Variants in LIMD1 observed in about 807,000 individuals in gnomAD.
The protein encoded by LIMD1 is LIM domain-containing protein 1.
A neutral mutation model predicts 58.4 loss-of-function variants in LIMD1; 23 were observed. The observed-to-expected ratio is 0.39, with a 90% confidence interval of 0.28 to 0.56. The LOEUF (loss-of-function observed/expected upper bound fraction) is 0.56, where lower values mean the gene tolerates loss of function less well. LIMD1 is among the 20% of genes least tolerant of loss of function. The probability of loss-of-function intolerance (pLI) is 0.57; values close to 1 mark genes in which losing one functional copy is unlikely to be tolerated. For synonymous variants in LIMD1, 334 were observed against 345.5 expected (o/e 0.97, Z 0.37); for missense variants, 838 against 855.5 (o/e 0.98, Z 0.25).
chr3:45,602,691 G>A (rs267232), intron 1 of LIMD1, among the ~76,000 whole-genome samples: 27,381 of 149,454 alleles, frequency 0.18, 2,714 homozygotes, highest in Non-Finnish European at 0.23. Flanking sequence ...AGCAGTCCAA[G>A]CAAGGAACAT....
chr3:45,594,936 C>G lies in LIMD1; in HGVS notation c.57C>G (p.Asn19Lys), dbSNP rs759331135. 5.2e-5 allele frequency: 84 copies of G among 1,613,500 alleles called. No homozygotes were observed. The highest frequency in any genetic ancestry group is 7.0e-5 in the Non-Finnish European group (83 of 1,180,004). Reference protein sequence around the residue: ...LEASKFIEDLNMYEASKDGLF... With the variant: ...LEASKFIEDLKMYEASKDGLF... ...CCAGTAAATTCATCGAGGACCTGAACATGTATGAGGCCTCTAAGGATGGGC... is the reference window on the plus strand; with the variant it reads ...CCAGTAAATTCATCGAGGACCTGAAGATGTATGAGGCCTCTAAGGATGGGC... Residue 19 changes from asparagine to lysine, a missense_variant, in exon 1 of 8, where the codon AAC becomes AAG. Coordinates refer to ENST00000273317, the MANE Select transcript of LIMD1 (RefSeq NM_014240.3).
At chr3:45,599,523 G>A (rs1031814625) in intron 1 of LIMD1, among the ~76,000 whole-genome samples, 3 of 152,236 alleles carry the variant, frequency 2.0e-5, no homozygotes, top group Non-Finnish European at 4.4e-5. Flanking sequence ...TGTTCTGGGT[G>A]TAATAAGCAT....
At chr3:45,655,013 G>A (rs535386065) in intron 2 of LIMD1, among the ~76,000 whole-genome samples, 13 of 150,696 alleles carry the variant, frequency 8.6e-5, no homozygotes, top group African/African-American at 2.9e-4. Flanking sequence ...TCTGCCACCC[G>A]GGTTCAAGTG....
chr3:45,614,031 C>A (rs1032604683), intron 1 of LIMD1, among the ~76,000 whole-genome samples: 2 of 152,094 alleles, frequency 1.3e-5, no homozygotes, highest in African/African-American at 4.8e-5. Context: ...TTCTAAGCCA[C>A]CTGTTCTCTG....
intron 1 of LIMD1, among the ~76,000 whole-genome samples, chr3:45,607,555 A>C (rs1245975851): frequency 1.3e-5 from 2 of 152,062 alleles, no homozygotes; most frequent in Non-Finnish European, 2.9e-5. Context: ...GCACACAAAA[A>C]GTTCTGGAAG....
At chr3:45,622,348 C>T (rs754628108) in intron 1 of LIMD1, among the ~76,000 whole-genome samples, 2 of 152,066 alleles carry the variant, frequency 1.3e-5, no homozygotes, top group Non-Finnish European at 2.9e-5. Flanking sequence ...GGATATAGTC[C>T]AAGACCCCCA....
chr3:45,674,231 C>T (rs1188623435), intron 6 of LIMD1, 112 bp from the exon 7 acceptor site: 3 of 693,418 alleles, frequency 4.3e-6, no homozygotes, highest in Non-Finnish European at 7.9e-6. Flanking sequence ...CTCCCAAGGC[C>T]ACCTACTTGT....
In LIMD1 at chr3:45,595,586, C is replaced by A; in HGVS notation, c.707C>A (p.Ser236Tyr). The A allele has an allele frequency of 6.2e-7, 1 of 1,614,124 alleles. No individual in the cohort carries two copies. The highest frequency in any genetic ancestry group is 1.6e-4 in the Middle Eastern group (1 of 6,062). ...AATCACCGACAGCTCTCCCTGAGCTCCAGCAGGTCTTCTGAGGGTAGCCTC... is the reference window on the plus strand; with the variant it reads ...AATCACCGACAGCTCTCCCTGAGCTACAGCAGGTCTTCTGAGGGTAGCCTC... ...PLNHRQLSLS[S>Y]SRSSEGSLGG... The change falls in exon 1 of 8, where the codon TCC becomes TAC. Residue 236 changes from serine (S) to tyrosine (Y), a missense_variant. By Grantham distance (144) the Ser-to-Tyr change is moderately radical (BLOSUM62 -2). This residue lies in a region of LIMD1 where 659 missense variants were observed against 639.8 expected (regional missense o/e 1.03). Transcript: ENST00000273317.
At chr3:45,668,985 GA>G (rs1280050672) in intron 4 of LIMD1, among the ~76,000 whole-genome samples, 4 of 152,338 alleles carry the variant, frequency 2.6e-5, no homozygotes, top group Non-Finnish European at 5.9e-5. Context: ...TTTTACTGCA[GA>G]AATCTCAGCT....
chr3:45,646,149 C>G (rs918475963), intron 2 of LIMD1, among the ~76,000 whole-genome samples: 3 of 152,310 alleles, frequency 2.0e-5, no homozygotes, highest in Admixed American at 6.5e-5. Context: ...CCACACTCAT[C>G]TTACACAAGA....
chr3:45,646,642 G>A (rs1455156048), intron 2 of LIMD1, among the ~76,000 whole-genome samples: 1 of 150,912 alleles, frequency 6.6e-6, no homozygotes. Context: ...GCCATGTACA[G>A]CTTGTGGCTA....
Position 45,596,411 on chromosome 3 carries a change from A to AT in LIMD1, c.1408+131dup, listed in dbSNP as rs887358198. On this transcript the variant is annotated intron_variant, in intron 1 of 7. Coordinates refer to ENST00000273317, the MANE Select transcript of LIMD1 (RefSeq NM_014240.3). ...CTCTCTTTGAGTGGCCTGTTTTTTT[A>AT]TTTTTTTGTTTTGGGCTTCCTCTTT... The AT allele has an allele frequency of 6.8e-5, 53 of 779,332 alleles. 1 individual carries two copies. The Middle Eastern group carries it at 1.1e-3, about 17-fold the overall frequency. 48.3% of individuals were successfully genotyped at this position (779,332 alleles called of 1,614,324 possible).
intron 1 of LIMD1, among the ~76,000 whole-genome samples, chr3:45,629,228 A>G (rs1354770670): frequency 6.6e-6 from 1 of 151,968 alleles, no homozygotes; most frequent in Non-Finnish European, 1.5e-5. Flanking sequence ...CCTGACCAAC[A>G]TGGTGAAACT....
chr3:45,632,646 C>A, intron 1 of LIMD1: 1 of 626,480 alleles, frequency 1.6e-6, no homozygotes, highest in Non-Finnish European at 2.0e-6. Context: ...GCGGAGGCCA[C>A]AGTTAAGACA....
intron 1 of LIMD1, among the ~76,000 whole-genome samples, chr3:45,607,110 A>G (rs138342986): frequency 1.3e-5 from 2 of 152,180 alleles, no homozygotes; most frequent in Admixed American, 1.3e-4. Context: ...CAAATTTTGG[A>G]TGACACTGTC....
chr3:45,625,705 T>G (rs936125438), intron 1 of LIMD1, among the ~76,000 whole-genome samples: 6 of 152,174 alleles, frequency 3.9e-5, no homozygotes, highest in Admixed American at 3.9e-4. Context: ...AAGGATGGAT[T>G]TAGCCCCCTT....
intron 1 of LIMD1, among the ~76,000 whole-genome samples, chr3:45,621,386 C>A (rs1253314932): frequency 6.6e-6 from 1 of 152,108 alleles, no homozygotes; most frequent in African/African-American, 2.4e-5. Flanking sequence ...TGTACCACCA[C>A]ACCTGGCTAA....
At chr3:45,647,574 AT>A (rs1391174995) in intron 2 of LIMD1, among the ~76,000 whole-genome samples, 1 of 152,184 alleles carries the variant, frequency 6.6e-6, no homozygotes, top group Non-Finnish European at 1.5e-5. Flanking sequence ...CATTGGTGGC[AT>A]TTGGATGCCA....
chr3:45,596,269 C>T lies in LIMD1; in HGVS notation c.1390C>T (p.Pro464Ser), dbSNP rs1559511537. ...QRLEREMDAH[P>S]KADYFGACVK... is the part of the protein sequence containing the mutation. ...TCTGGAGCGAGAGATGGATGCTCAC[C>T]CGAAGGCTGATTACTTTGGTGAGTG... The change falls in exon 1 of 8, where the codon CCG (proline) becomes TCG (serine). Residue 464 changes from proline (P) to serine (S), a missense_variant. This residue lies in a region of LIMD1 where 659 missense variants were observed against 639.8 expected (regional missense o/e 1.03). Transcript: ENST00000273317. 3 of 1,604,512 alleles carry T rather than the reference C, an allele frequency of 1.9e-6. No homozygotes were observed. Among genetic ancestry groups the T allele is most frequent in the East Asian group, 4.5e-5 (2 of 44,654 alleles).
Sources: gnomAD v4.1 joint callset for allele counts (sites outside exome capture counted in the v4.1 genomes callset) on GRCh38, gnomAD v4.1.1 for gene constraint, gnomAD v4.1.1 regional missense constraint, MANE v1.5 for transcripts, NCBI Gene and HGNC (gene_info 2026-07-23, HGNC 2026-07-21) for gene names.